The following ITGA4 variants were observed in gnomAD, a reference collection of about 807,000 sequenced individuals.
The protein encoded by ITGA4 is integrin alpha-4.
A neutral mutation model predicts 133.6 loss-of-function variants in ITGA4; 63 were observed. The ratio of observed to expected loss-of-function variants is 0.47; its 90% CI spans 0.38 to 0.58. ITGA4 has a LOEUF of 0.58. ITGA4 is among the 20% of genes least tolerant of loss of function. The pLI, the probability that ITGA4 is intolerant of heterozygous loss-of-function variation, is 0.00. For synonymous variants in ITGA4, 483 were observed against 438.0 expected (o/e 1.10, Z -1.28); for missense variants, 1,076 against 1,252.7 (o/e 0.86, Z 2.13).
At chr2:181,458,683 C>T in intron 2 of ITGA4, 1 of 234,828 alleles carries the variant, frequency 4.3e-6, no homozygotes, top group East Asian at 9.0e-5. Flanking sequence ...TTATTTCCAT[C>T]TTTGACCTAT....
At chr2:181,517,942 C>T (rs180744187) in intron 17 of ITGA4, among the ~76,000 whole-genome samples, 1 of 152,054 alleles carries the variant, frequency 6.6e-6, no homozygotes, top group East Asian at 1.9e-4. Context: ...TTATAAATGT[C>T]TATTTCTGGG....
intron 25 of ITGA4, among the ~76,000 whole-genome samples, chr2:181,532,059 G>T (rs1686956082): frequency 6.6e-6 from 1 of 152,206 alleles, no homozygotes; most frequent in South Asian, 2.1e-4. Flanking sequence ...AGGATCACTT[G>T]AGGCCAGGAG....
intron 15 of ITGA4, among the ~76,000 whole-genome samples, chr2:181,500,729 G>C (rs147252125): frequency 7.6e-4 from 115 of 152,184 alleles, no homozygotes; most frequent in African/African-American, 2.7e-3. Context: ...TACTTGTGTA[G>C]ATGTCCCTAC....
chr2:181,523,544 A>G lies in ITGA4; in HGVS notation c.2169+12A>G, dbSNP rs758452199. ...ATCATCTCTCAAGGGTAAGTGTTTC[A>G]TATTTATGGCTTTTGTTCACTATCA... is the stretch of plus-strand genomic sequence containing the variant. On this transcript the variant is annotated intron_variant, in intron 19 of 27. Coordinates refer to ENST00000397033, the MANE Select transcript of ITGA4 (RefSeq NM_000885.6). This position sits in a 1 kb window ranked among gnomAD's most constrained non-coding sequence, Gnocchi z 4.2. 1 of 1,411,134 alleles carries G rather than the reference A, an allele frequency of 7.1e-7. No homozygotes were observed. Among genetic ancestry groups the G allele is most frequent in the Non-Finnish European group, 1.0e-6 (1 of 997,790 alleles). 87.4% of individuals were successfully genotyped at this position (1,411,134 alleles called of 1,614,324 possible).
At chr2:181,527,497 A>G in intron 22 of ITGA4, 110 bp downstream of exon 22, 1 of 705,204 alleles carries the variant, frequency 1.4e-6, no homozygotes, top group Non-Finnish European at 2.5e-6. Context: ...TCTGCAGACC[A>G]CAGCTGGCTG....
rs771732047 is a variant in ITGA4, at chr2:181,530,498, A to G, written c.2539-26A>G. The G allele has an allele frequency of 3.1e-6, 5 of 1,595,276 alleles. No individual in the cohort carries two copies. The South Asian group carries it at 4.5e-5, about 14-fold the overall frequency. On this transcript the variant is annotated intron_variant, in intron 23 of 27. Transcript: ENST00000397033. ...GTTTTTTCCAGTGTTGAAAGATAAG[A>G]TTTCTCTTGCTTTCTGTCTTCATAG...
intron 2 of ITGA4, among the ~76,000 whole-genome samples, chr2:181,462,001 TAA>T (rs537088026): frequency 6.6e-6 from 1 of 152,168 alleles, no homozygotes; most frequent in Admixed American, 6.5e-5. Context: ...TTAGGCGAAA[TAA>T]AATTTTAGGT....
intron 25 of ITGA4, 88 bp downstream of exon 25, chr2:181,531,864 C>T: frequency 1.2e-6 from 1 of 845,892 alleles, no homozygotes; most frequent in Non-Finnish European, 1.8e-6. Flanking sequence ...AGTATGAAGG[C>T]ATTCAACAAA....
At chr2:181,508,507 C>T (rs1324814673) in intron 15 of ITGA4, among the ~76,000 whole-genome samples, 1 of 151,638 alleles carries the variant, frequency 6.6e-6, no homozygotes, top group African/African-American at 2.4e-5. Context: ...ACCAGCCCTA[C>T]CAACATGGTG....
At chr2:181,498,991 C>G in intron 15 of ITGA4, 1 of 529,860 alleles carries the variant, frequency 1.9e-6, no homozygotes, top group South Asian at 8.1e-5. Flanking sequence ...ACATTTATCA[C>G]ATTTGACCTC....
At chr2:181,487,770 G>A (rs1347817092) in intron 10 of ITGA4, among the ~76,000 whole-genome samples, 2 of 152,030 alleles carry the variant, frequency 1.3e-5, no homozygotes, top group Non-Finnish European at 2.9e-5. Context: ...GAAAATAGTG[G>A]CACCCTTTTT....
intron 6 of ITGA4, 83 bp downstream of exon 6, chr2:181,480,349 C>A: frequency 1.3e-6 from 1 of 757,044 alleles, no homozygotes; most frequent in Non-Finnish European, 2.0e-6. Context: ...AATGTATTTT[C>A]CAAAGATCTA....
chr2:181,519,012 G>A (rs547105688), intron 17 of ITGA4, among the ~76,000 whole-genome samples: 102 of 151,956 alleles, frequency 6.7e-4, no homozygotes, highest in Non-Finnish European at 1.1e-3. Context: ...ACAGAATTAC[G>A]TGTGTATGTT....
chr2:181,465,644 T>C (rs542132786), intron 2 of ITGA4, among the ~76,000 whole-genome samples: 2 of 152,308 alleles, frequency 1.3e-5, no homozygotes, highest in African/African-American at 4.8e-5. Context: ...GAATTTTCTT[T>C]CCTTATTTTC....
intron 2 of ITGA4, among the ~76,000 whole-genome samples, chr2:181,464,313 C>G (rs532891424): frequency 6.6e-6 from 1 of 152,154 alleles, no homozygotes; most frequent in South Asian, 2.1e-4. Context: ...ATGGTGAATC[C>G]ACTGCAGAGG....
In ITGA4 at chr2:181,475,175, G is replaced by A. The variant is rs899368468; in HGVS notation, c.443G>A (p.Trp148Ter). The A allele has an allele frequency of 6.2e-7, 1 of 1,613,418 alleles. No individual in the cohort carries two copies. The highest frequency in any genetic ancestry group is 8.5e-7 in the Non-Finnish European group (1 of 1,179,560). ...TTTATTCAGACTTGTGGGCATAGATGGAAAAATATATTTTACATAAAGAAT... is the reference window on the plus strand; with the variant it reads ...TTTATTCAGACTTGTGGGCATAGATAGAAAAATATATTTTACATAAAGAAT... ...NGSIVTCGHR[W>*]KNIFYIKNEN... The change falls in exon 4 of 28, where the codon TGG becomes TAG. Residue 148 changes from tryptophan to a stop codon, truncating the protein, a stop_gained. Coordinates refer to ENST00000397033, the MANE Select transcript of ITGA4 (RefSeq NM_000885.6). LOFTEE classifies it high-confidence loss of function.
chr2:181,475,843 A>G, intron 4 of ITGA4: 2 of 1,603,868 alleles, frequency 1.2e-6, no homozygotes, highest in African/African-American at 1.3e-5. Context: ...GTACAGAGCT[A>G]GGACATAACA....
At chr2:181,460,753 T>A (rs1225730042) in intron 2 of ITGA4, among the ~76,000 whole-genome samples, 3 of 152,140 alleles carry the variant, frequency 2.0e-5, no homozygotes, top group African/African-American at 7.2e-5. Flanking sequence ...ATCTGTATGT[T>A]ATCTGTAACA....
chr2:181,535,442 T>TTAAAAGACAATACAAA lies in ITGA4; in HGVS notation c.3016_3031dup (p.Ser1011Ter). 1 of 1,606,766 alleles carries TTAAAAGACAATACAAA rather than the reference T, an allele frequency of 6.2e-7. No individual in the cohort carries two copies. The highest frequency in any genetic ancestry group is 8.5e-7 in the Non-Finnish European group (1 of 1,176,714). On this transcript the variant is annotated frameshift_variant, in exon 28 of 28. Coordinates refer to ENST00000397033, the MANE Select transcript of ITGA4 (RefSeq NM_000885.6). LOFTEE classifies it high-confidence loss of function. ...TTATGCTATTTTCAGGCTGGCTTCTTTAAAAGACAATACAAATCTATCCTA... is the reference window on the plus strand; with the variant it reads ...TTATGCTATTTTCAGGCTGGCTTCTTTAAAAGACAATACAAATAAAAGACAATACAAATCTATCCTA...
Sources: gnomAD v4.1 joint callset for allele counts (sites outside exome capture counted in the v4.1 genomes callset) on GRCh38, gnomAD v4.1.1 for gene constraint, Gnocchi (gnomAD v3.1) non-coding constraint, MANE v1.5 for transcripts, NCBI Gene and HGNC (gene_info 2026-07-23, HGNC 2026-07-21) for gene names.